ZC3H12B: variants seen among roughly 807,000 people sequenced by gnomAD.
The protein encoded by ZC3H12B is probable ribonuclease ZC3H12B.
A neutral mutation model predicts 43.9 loss-of-function variants in ZC3H12B; 7 were observed. The observed-to-expected ratio is 0.16, with a 90% CI of 0.09 to 0.30. The LOEUF (loss-of-function observed/expected upper bound fraction) is 0.30. ZC3H12B is among the 10% of genes least tolerant of loss of function. The pLI is 1.00. For synonymous variants in ZC3H12B, 222 were observed against 241.7 expected (o/e 0.92, Z 0.76); for missense variants, 475 against 670.2 (o/e 0.71, Z 3.22).
the ZC3H12B span, among the ~76,000 whole-genome samples, chrX:65,168,737 A>T: frequency 1.8e-5 from 2 of 111,326 alleles, no homozygotes; most frequent in Non-Finnish European, 3.8e-5. Flanking sequence ...TGGTCTATTC[A>T]GCAATTCAAC....
At chrX:65,307,820 T>C in the ZC3H12B span, among the ~76,000 whole-genome samples, 1 of 111,688 alleles carries the variant, frequency 9.0e-6, no homozygotes, top group Admixed American at 9.5e-5. Flanking sequence ...AACACAAACA[T>C]TTAAAGTTGT....
chrX:65,189,902 A>G, the ZC3H12B span, among the ~76,000 whole-genome samples: 22,907 of 106,280 alleles, frequency 0.22, 7,393 homozygotes, highest in African/African-American at 0.81. Context: ...TAATGCCTAG[A>G]TTTTCTTCTA....
the ZC3H12B span, among the ~76,000 whole-genome samples, chrX:65,093,788 A>T: frequency 8.9e-6 from 1 of 111,893 alleles, no homozygotes; most frequent in African/African-American, 3.3e-5. Context: ...TTTGTCTCAG[A>T]TGAGACTTTG....
At chrX:65,450,873 A>G (rs181743221) in intron 3 of ZC3H12B, among the ~76,000 whole-genome samples, 64 of 90,846 alleles carry the variant, frequency 7.0e-4, no homozygotes, top group South Asian at 1.0e-3. Flanking sequence ...ATATGTATAT[A>G]TATACATATG....
chrX:65,147,051 C>T, the ZC3H12B span, among the ~76,000 whole-genome samples: 1 of 112,317 alleles, frequency 8.9e-6, no homozygotes, highest in Non-Finnish European at 1.9e-5. Flanking sequence ...CCTCCTTTCA[C>T]ATGTTGTTTA....
chrX:65,039,262 G>A, the ZC3H12B span, among the ~76,000 whole-genome samples: 1 of 111,502 alleles, frequency 9.0e-6, no homozygotes, highest in African/African-American at 3.2e-5. Flanking sequence ...TGACTCATTC[G>A]TATTTTCCTA....
chrX:65,096,790 T>G, the ZC3H12B span, among the ~76,000 whole-genome samples: 1 of 111,774 alleles, frequency 8.9e-6, no homozygotes, highest in African/African-American at 3.2e-5. Context: ...ATTTTTTTTG[T>G]AAAAAATAAT....
At chrX:65,493,080 G>C (rs955729516) in intron 1 of ZC3H12B, among the ~76,000 whole-genome samples, 5 of 110,770 alleles carry the variant, frequency 4.5e-5, no homozygotes, top group African/African-American at 1.6e-4. Context: ...CTCCAACCTG[G>C]GTGACAGAGC....
chrX:65,236,068 G>A, the ZC3H12B span, among the ~76,000 whole-genome samples: 12 of 111,501 alleles, frequency 1.1e-4, no homozygotes, highest in African/African-American at 3.6e-4. Context: ...GTTTATGGTT[G>A]GACTTTGGAA....
the ZC3H12B span, among the ~76,000 whole-genome samples, chrX:65,212,417 A>G: frequency 1.7e-5 from 1 of 59,092 alleles, no homozygotes; most frequent in East Asian, 5.6e-4. Context: ...TATATTATAT[A>G]TGTAATATAA....
chrX:65,451,593 G>A (rs1316673894), intron 3 of ZC3H12B, among the ~76,000 whole-genome samples: 2 of 111,454 alleles, frequency 1.8e-5, no homozygotes, highest in Non-Finnish European at 3.8e-5. Flanking sequence ...TTCTGCCTCA[G>A]CCTTCCAAAG....
Position 65,374,223 on chromosome X carries a change from T to C in ZC3H12B, n.295+5225T>C, listed in dbSNP as rs867904151. Among the ~76,000 whole-genome samples, 248 of 84,859 alleles carry C rather than the reference T, an allele frequency of 2.9e-3. 2 individuals carry two copies. Among genetic ancestry groups the C allele is most frequent in the Middle Eastern group, 6.2e-3 (1 of 161 alleles). 73.7% of individuals were successfully genotyped at this position (84,859 alleles called of 115,157 possible). A position where few individuals can be genotyped will look rare whatever the true frequency, so the allele number is the denominator to read the frequency against. On this transcript the variant is annotated intron_variant and non_coding_transcript_variant, in intron 2 of 5. Coordinates refer to the ZC3H12B transcript ENST00000617377. The stretch of plus-strand genomic sequence containing the variant: ...ATATTATATATAGTTATATATGTAC[T>C]CTATAGTATAGTAATATATATTATA...
chrX:65,241,788 G>T, the ZC3H12B span, among the ~76,000 whole-genome samples: 1 of 111,704 alleles, frequency 9.0e-6, no homozygotes, highest in Non-Finnish European at 1.9e-5. Flanking sequence ...AACTTGTGAG[G>T]TACCATGGAG....
chrX:65,273,945 G>A, the ZC3H12B span, among the ~76,000 whole-genome samples: 1 of 112,424 alleles, frequency 8.9e-6, no homozygotes, highest in African/African-American at 3.2e-5. Context: ...AGGGAACACA[G>A]CAATTAATAA....
chrX:65,050,848 C>T, the ZC3H12B span, among the ~76,000 whole-genome samples: 4 of 111,367 alleles, frequency 3.6e-5, no homozygotes, highest in Non-Finnish European at 5.7e-5. Flanking sequence ...AAGATTTTTG[C>T]ATCTATGCTT....
chrX:65,093,661 T>C, the ZC3H12B span, among the ~76,000 whole-genome samples: 1 of 112,378 alleles, frequency 8.9e-6, no homozygotes, highest in Admixed American at 9.4e-5. Context: ...TTTTTTTGGC[T>C]GATTTATTTC....
chrX:65,150,185 A>AT, the ZC3H12B span, among the ~76,000 whole-genome samples: 80 of 109,901 alleles, frequency 7.3e-4, no homozygotes, highest in African/African-American at 2.3e-3. Flanking sequence ...ATTATTACTT[A>AT]TTTTTTTGCA....
the ZC3H12B span, among the ~76,000 whole-genome samples, chrX:65,315,893 CA>C: frequency 9.9e-5 from 11 of 111,536 alleles, no homozygotes; most frequent in Non-Finnish European, 2.1e-4. Flanking sequence ...AGTAAAAAGT[CA>C]AAACCCAATC....
chrX:65,462,546 G>A (rs1355418210), intron 3 of ZC3H12B, among the ~76,000 whole-genome samples: 1 of 111,870 alleles, frequency 8.9e-6, no homozygotes, highest in African/African-American at 3.2e-5. Context: ...TCATTAATCA[G>A]ATACATTAAA....
Sources: allele counts gnomAD v4.1 joint callset (sites outside exome capture counted in the v4.1 genomes callset), GRCh38; gene constraint gnomAD v4.1.1; transcripts MANE v1.5; gene names NCBI Gene and HGNC (gene_info 2026-07-23, HGNC 2026-07-21).